ARHGEF3: variants seen among roughly 807,000 people sequenced by gnomAD.
The protein encoded by ARHGEF3 is 59.8 kDA protein.
ARHGEF3 carries 28 observed loss-of-function variants against 63.2 expected under a neutral mutation model. The observed-to-expected ratio is 0.44, with a 90% CI of 0.33 to 0.61. The LOEUF (loss-of-function observed/expected upper bound fraction) is 0.61. Among genes scored for constraint, ARHGEF3 ranks in the 20% least tolerant of loss-of-function variants. ARHGEF3 has a pLI of 0.03. For missense variants in ARHGEF3, 533 were observed against 659.3 expected, an observed-to-expected ratio of 0.81 and a Z score of 2.10; for synonymous variants, 266 against 254.2, an observed-to-expected ratio of 1.05 and a Z score of -0.44.
At chr3:57,077,376 G>A (rs1208097938) in intron 1 of ARHGEF3, among the ~76,000 whole-genome samples, 1 of 152,166 alleles carries the variant, frequency 6.6e-6, no homozygotes, top group African/African-American at 2.4e-5. Flanking sequence ...CTGGGGCACA[G>A]GCCTCATGGA....
intron 2 of ARHGEF3, among the ~76,000 whole-genome samples, chr3:57,009,234 A>G (rs1330457159): frequency 6.6e-6 from 1 of 152,230 alleles, no homozygotes; most frequent in Admixed American, 6.5e-5. Flanking sequence ...ACGCTCAAGA[A>G]TGAACTATGA....
intron 4 of ARHGEF3, among the ~76,000 whole-genome samples, chr3:56,811,865 CA>C (rs1485089360): frequency 2.6e-5 from 4 of 152,182 alleles, no homozygotes; most frequent in Admixed American, 2.6e-4. Flanking sequence ...TCCTCTCATT[CA>C]AGGTTGTCTG....
intron 1 of ARHGEF3, among the ~76,000 whole-genome samples, chr3:57,047,078 G>C (rs1319419713): frequency 2.0e-5 from 3 of 152,234 alleles, no homozygotes; most frequent in African/African-American, 7.2e-5. Context: ...ACCTGGTGTG[G>C]TGGCTAACGC....
chr3:56,879,311 A>G (rs919397609), intron 4 of ARHGEF3, among the ~76,000 whole-genome samples: 1 of 152,226 alleles, frequency 6.6e-6, no homozygotes, highest in African/African-American at 2.4e-5. Flanking sequence ...TTACTTTTTA[A>G]TCAAAGGGGG....
intron 1 of ARHGEF3, among the ~76,000 whole-genome samples, chr3:57,043,373 C>T (rs1704309488): frequency 6.6e-6 from 1 of 152,082 alleles, no homozygotes; most frequent in Non-Finnish European, 1.5e-5. Context: ...CCTTGGCCTC[C>T]CAAAGTGCTG....
chr3:56,943,733 G>A (rs1699306958), intron 3 of ARHGEF3, among the ~76,000 whole-genome samples: 1 of 152,090 alleles, frequency 6.6e-6, no homozygotes, highest in African/African-American at 2.4e-5. Flanking sequence ...TGACCAACAC[G>A]ATAAAACCCC....
At chr3:57,002,506 A>ATATATATGTTATATT (rs1702282258) in intron 2 of ARHGEF3, among the ~76,000 whole-genome samples, 1 of 76,376 alleles carries the variant, frequency 1.3e-5, no homozygotes, top group South Asian at 4.1e-4. Flanking sequence ...TGTTATATAT[A>ATATATATGTTATATT]TATATATGTT....
intron 4 of ARHGEF3, among the ~76,000 whole-genome samples, chr3:56,829,243 T>G (rs1197659616): frequency 6.6e-6 from 1 of 152,088 alleles, no homozygotes. Flanking sequence ...GACTTTTATA[T>G]TGTACAATTG....
At chr3:56,978,050 G>A (rs1204583859) in intron 2 of ARHGEF3, among the ~76,000 whole-genome samples, 1 of 152,286 alleles carries the variant, frequency 6.6e-6, no homozygotes, top group East Asian at 1.9e-4. Context: ...ACACCCTGCT[G>A]AGCACAGGGA....
intron 2 of ARHGEF3, among the ~76,000 whole-genome samples, chr3:56,764,713 A>G (rs1453751271): frequency 1.3e-5 from 2 of 152,026 alleles, no homozygotes; most frequent in Non-Finnish European, 2.9e-5. Flanking sequence ...GAGTGTTATT[A>G]CTAAATAAAA....
intron 1 of ARHGEF3, among the ~76,000 whole-genome samples, chr3:57,076,236 T>TTCAAACTA: frequency 7.0e-6 from 1 of 142,130 alleles, no homozygotes; most frequent in Non-Finnish European, 1.5e-5. Context: ...AATACATAAC[T>TTCAAACTA]TGGCCTTGAA....
chr3:56,992,684 C>T (rs1249135593), intron 2 of ARHGEF3, among the ~76,000 whole-genome samples: 1 of 152,140 alleles, frequency 6.6e-6, no homozygotes, highest in African/African-American at 2.4e-5. Context: ...GGACAATTAC[C>T]CTCTGTGAAC....
chr3:56,889,752 G>A (rs1195029755), intron 3 of ARHGEF3, among the ~76,000 whole-genome samples: 1 of 152,070 alleles, frequency 6.6e-6, no homozygotes, highest in Non-Finnish European at 1.5e-5. Flanking sequence ...TACAAATAAG[G>A]TAAAATACAT....
chr3:56,728,026 A>G lies in ARHGEF3; in HGVS notation c.*1244T>C, dbSNP rs549148769. ...TTTGCACAGGTCATCCTTAATATTT[A>G]CACTTGCAGGGAGCTCTTCTAGGTA... On this transcript the variant is annotated 3_prime_UTR_variant, in exon 10 of 10. Transcript: ENST00000296315. 1 of 152,718 alleles carries G rather than the reference A, an allele frequency of 6.5e-6. No homozygotes were observed. The highest frequency in any genetic ancestry group is 1.5e-5 in the Non-Finnish European group (1 of 68,002). The allele number at this position is 152,718 out of a possible 1,614,324, so 9.5% of individuals were successfully genotyped here.
rs545928639 is a variant in ARHGEF3, at chr3:57,021,637, C to T, written c.62+13451G>A. On this transcript the variant is annotated intron_variant, in intron 2 of 12. Transcript: ENST00000338458. ...GCATGGTGGTGCGTGCCTGTAACCC[C>T]AGCTACTTGGGAGGCTGAGGCAGGG... Among the ~76,000 whole-genome samples, 3 of 152,036 alleles carry T rather than the reference C, an allele frequency of 2.0e-5. No homozygotes were observed. The East Asian group carries it at 5.8e-4, about 30-fold the overall frequency.
intron 2 of ARHGEF3, among the ~76,000 whole-genome samples, chr3:56,756,585 T>C (rs1406321872): frequency 2.0e-5 from 3 of 146,382 alleles, no homozygotes. Context: ...AGTCTTGCTC[T>C]GTCGCCCAGG....
intron 2 of ARHGEF3, among the ~76,000 whole-genome samples, chr3:56,993,467 T>TG (rs1440758716): frequency 2.6e-5 from 4 of 152,002 alleles, no homozygotes; most frequent in Non-Finnish European, 4.4e-5. Context: ...TTCGGCCTCC[T>TG]GGGCTCAAGC....
chr3:57,036,335 T>C (rs1560151426), intron 1 of ARHGEF3, among the ~76,000 whole-genome samples: 1 of 152,068 alleles, frequency 6.6e-6, no homozygotes, highest in Non-Finnish European at 1.5e-5. Context: ...TTCGGGTGCA[T>C]GACGCCCAAG....
chr3:56,757,107 A>G (rs2035120527), intron 2 of ARHGEF3, among the ~76,000 whole-genome samples: 1 of 152,244 alleles, frequency 6.6e-6, no homozygotes, highest in South Asian at 2.1e-4. Context: ...TTATTTTGAG[A>G]TTCAACAATA....
Sources: allele counts gnomAD v4.1 joint callset (sites outside exome capture counted in the v4.1 genomes callset), GRCh38; gene constraint gnomAD v4.1.1; transcripts MANE v1.5; gene names NCBI Gene and HGNC (gene_info 2026-07-23, HGNC 2026-07-21).